NELL1: variants seen among roughly 807,000 people sequenced by gnomAD.
NELL1 encodes neural EGFL like 1.
In NELL1, 76 loss-of-function variants were observed where a neutral mutation model predicts 107.4. That is an observed-to-expected ratio of 0.71 (90% CI 0.59 to 0.86). The LOEUF is 0.86. NELL1 is among the 40% of genes least tolerant of loss of function. NELL1 has a pLI of 0.00. For synonymous variants in NELL1, 353 were observed against 341.2 expected, an observed-to-expected ratio of 1.03 and a Z score of -0.38; for missense variants, 1,024 against 1,005.5, an observed-to-expected ratio of 1.02 and a Z score of -0.25.
At chr11:21,215,787 G>A (rs760575191) in intron 13 of NELL1, among the ~76,000 whole-genome samples, 1 of 152,170 alleles carries the variant, frequency 6.6e-6, no homozygotes, top group Non-Finnish European at 1.5e-5. Flanking sequence ...AAGTAGCAAA[G>A]CATTCAAGAG....
At chr11:20,956,029 G>A (rs1851163109) in intron 11 of NELL1, among the ~76,000 whole-genome samples, 1 of 152,000 alleles carries the variant, frequency 6.6e-6, no homozygotes, top group African/African-American at 2.4e-5. Context: ...GACCAGCCTG[G>A]CCAACATAGT....
Position 21,154,194 on chromosome 11 carries a change from C to T in NELL1, c.1426+40480C>T, listed in dbSNP as rs377093648. ...TTTGTGAAGTTTGTATAATGAATTG[C>T]TACCTCTCTTAATGGTGGCAGTGGG... On this transcript the variant is annotated intron_variant, in intron 13 of 19. Transcript: ENST00000357134. Among the ~76,000 whole-genome samples the T allele has an allele frequency of 2.7e-3, 411 of 152,266 alleles. 2 individuals are homozygous for T. Among genetic ancestry groups the T allele is most frequent in the African/African-American group, 9.6e-3 (400 of 41,546 alleles).
intron 15 of NELL1, among the ~76,000 whole-genome samples, chr11:21,469,481 G>A (rs1030767031): frequency 6.6e-6 from 1 of 152,062 alleles, no homozygotes; most frequent in African/African-American, 2.4e-5. Flanking sequence ...GGAAGTCAGA[G>A]AGATTTTTAC....
chr11:20,965,400 T>A (rs1339989142), intron 12 of NELL1, among the ~76,000 whole-genome samples: 1 of 152,144 alleles, frequency 6.6e-6, no homozygotes, highest in Non-Finnish European at 1.5e-5. Context: ...TTTCTTGGAA[T>A]TTGCAGGAGT....
At chr11:21,341,643 C>T (rs1232288512) in intron 14 of NELL1, among the ~76,000 whole-genome samples, 1 of 152,162 alleles carries the variant, frequency 6.6e-6, no homozygotes, top group Non-Finnish European at 1.5e-5. Flanking sequence ...GTTCCCCAGA[C>T]CAAGCCATTA....
intron 2 of NELL1, among the ~76,000 whole-genome samples, chr11:20,690,912 T>TGAGCATGGAA (rs1854447665): frequency 6.6e-6 from 1 of 151,980 alleles, no homozygotes. Flanking sequence ...TTCCTACCCA[T>TGAGCATGGAA]GAGCATGGAA....
At chr11:21,552,803 T>G (rs1460043678) in intron 16 of NELL1, among the ~76,000 whole-genome samples, 4 of 151,830 alleles carry the variant, frequency 2.6e-5, no homozygotes, top group Admixed American at 2.0e-4. Flanking sequence ...TTTTCTTCTC[T>G]GCAGATGCTG....
intron 2 of NELL1, among the ~76,000 whole-genome samples, chr11:20,757,463 G>A (rs1428784749): frequency 1.3e-5 from 2 of 152,112 alleles, no homozygotes; most frequent in Non-Finnish European, 2.9e-5. Flanking sequence ...GCTTTAGCTG[G>A]ACTCTTATTA....
At position 21,030,622 on chromosome 11, in the gene NELL1, A is replaced by ATTT. The variant is rs201033870; in HGVS notation, c.1300+70080_1300+70082dup. Among the ~76,000 whole-genome samples the ATTT allele has an allele frequency of 3.8e-3, 452 of 120,054 alleles. 2 individuals carry two copies. The highest frequency in any genetic ancestry group is 9.8e-3 in the African/African-American group (336 of 34,192). 78.8% of individuals were successfully genotyped at this position (120,054 alleles called of 152,430 possible). ...TTATTTTCTTATGTTATTTTCTTGT[A>ATTT]TTTTTTTTTTTTTTTTTTTTACTTA... On this transcript the variant is annotated intron_variant, in intron 12 of 19. Transcript: ENST00000357134.
chr11:21,211,386 G>A lies in NELL1; in HGVS notation c.1427-17946G>A, dbSNP rs114659834. Among the ~76,000 whole-genome samples, 1,449 of 152,186 alleles carry A rather than the reference G, an allele frequency of 9.5e-3. 22 individuals carry two copies. The highest frequency in any genetic ancestry group is 0.033 in the African/African-American group (1,367 of 41,532). On this transcript the variant is annotated intron_variant, in intron 13 of 19. Coordinates refer to ENST00000357134, the MANE Select transcript of NELL1 (RefSeq NM_006157.5). ...GCTTGCAGCTTAGCAGACAAGAAGG[G>A]GAATGGAGCAAAATCATGCTGGGCA...
intron 12 of NELL1, among the ~76,000 whole-genome samples, chr11:21,066,831 G>A (rs921957072): frequency 1.3e-5 from 2 of 152,078 alleles, no homozygotes; most frequent in Non-Finnish European, 2.9e-5. Context: ...GTGCACGCTT[G>A]TAATCCCAGC....
At chr11:21,495,834 T>C (rs1038958817) in intron 15 of NELL1, among the ~76,000 whole-genome samples, 9 of 152,152 alleles carry the variant, frequency 5.9e-5, no homozygotes, top group Admixed American at 4.6e-4. Flanking sequence ...TTAGATTCTC[T>C]GCACATTAAA....
chr11:21,472,177 T>C (rs1210295847), intron 15 of NELL1, among the ~76,000 whole-genome samples: 1 of 151,896 alleles, frequency 6.6e-6, no homozygotes, highest in Admixed American at 6.6e-5. Context: ...GTTTGTTTGT[T>C]TGTTTTAAAC....
intron 14 of NELL1, among the ~76,000 whole-genome samples, chr11:21,289,108 A>G (rs1456876146): frequency 6.6e-6 from 1 of 152,210 alleles, no homozygotes; most frequent in Non-Finnish European, 1.5e-5. Flanking sequence ...ACTCTTGATG[A>G]GAGAATGACA....
At position 20,947,466 on chromosome 11, in the gene NELL1, G is replaced by T. The variant is rs1850987154; in HGVS notation, c.1171+31G>T. The T allele has an allele frequency of 2.7e-6, 4 of 1,503,010 alleles. No individual in the cohort carries two copies. In the East Asian group the frequency reaches 9.0e-5, roughly 34 times the overall value. 93.1% of individuals were successfully genotyped at this position (1,503,010 alleles called of 1,614,324 possible). On this transcript the variant is annotated intron_variant, in intron 11 of 19. Coordinates refer to ENST00000357134, the MANE Select transcript of NELL1 (RefSeq NM_006157.5). Reference sequence around the variant, plus strand: ...TGGGCTTGGTGGTGGGCCATGCGTGGGGTGAGGCTGGGGCTGGTCTTCTGG... The same window carrying T: ...TGGGCTTGGTGGTGGGCCATGCGTGTGGTGAGGCTGGGGCTGGTCTTCTGG...
chr11:21,477,694 C>T (rs1001155791), intron 15 of NELL1, among the ~76,000 whole-genome samples: 11 of 152,024 alleles, frequency 7.2e-5, no homozygotes, highest in Non-Finnish European at 7.4e-5. Context: ...GACCTCACCA[C>T]ACAAACTAAG....
chr11:20,758,309 C>A (rs187985437), intron 2 of NELL1, among the ~76,000 whole-genome samples: 1 of 152,116 alleles, frequency 6.6e-6, no homozygotes, highest in South Asian at 2.1e-4. Flanking sequence ...ATCATGGTGT[C>A]GCCTGATTCA....
chr11:20,735,308 A>C (rs1197214096), intron 2 of NELL1, among the ~76,000 whole-genome samples: 1 of 152,156 alleles, frequency 6.6e-6, no homozygotes, highest in Non-Finnish European at 1.5e-5. Context: ...GTAATTTATA[A>C]AGGAAAGAGG....
At chr11:20,776,543 AT>A (rs1226300741) in intron 2 of NELL1, among the ~76,000 whole-genome samples, 1 of 152,148 alleles carries the variant, frequency 6.6e-6, no homozygotes, top group East Asian at 1.9e-4. Flanking sequence ...ATCTCTGACA[AT>A]TGTGATAAGT....
Sources: gnomAD v4.1 joint callset for allele counts (sites outside exome capture counted in the v4.1 genomes callset) on GRCh38, gnomAD v4.1.1 for gene constraint, MANE v1.5 for transcripts, NCBI Gene and HGNC (gene_info 2026-07-23, HGNC 2026-07-21) for gene names.